Variants in C13orf42 observed in about 807,000 individuals in gnomAD.
C13orf42 encodes uncharacterized protein C13orf42.
intron 1 of C13orf42, among the ~76,000 whole-genome samples, chr13:51,160,666 G>A (rs1953857492): frequency 6.6e-6 from 1 of 152,038 alleles, no homozygotes; most frequent in African/African-American, 2.4e-5. Flanking sequence ...ATTTCTCAGT[G>A]GTACGAGAAG....
At position 51,087,985 on chromosome 13, in the gene C13orf42, C is replaced by G. The variant is rs1953146688; in HGVS notation, c.505G>C (p.Glu169Gln). 2.5e-6 allele frequency: 1 copy of G among 398,756 alleles called. No individual in the cohort carries two copies. The highest frequency in any genetic ancestry group is 1.3e-4 in the South Asian group (1 of 7,864). The allele number at this position is 398,756 out of a possible 1,614,324, so 24.7% of individuals were successfully genotyped here. The change falls in exon 2 of 4, where the codon GAG becomes CAG. Residue 169 changes from glutamate (E) to glutamine (Q), a missense_variant. Transcript: ENST00000563710. ...GCCTCAGCAGCCCGGGGTCGTCTCT[C>G]TGTATCCAGCTCTGCAATGATGGAG... ...FDSIIAELDT[E>Q]RRPRAAEASL...
intron 1 of C13orf42, among the ~76,000 whole-genome samples, chr13:51,088,994 A>G (rs1377366412): frequency 6.6e-6 from 1 of 152,230 alleles, no homozygotes; most frequent in Non-Finnish European, 1.5e-5. Context: ...CAATACGTGT[A>G]CTAATAAAAA....
intron 1 of C13orf42, among the ~76,000 whole-genome samples, chr13:51,102,876 G>A (rs905920605): frequency 1.1e-4 from 16 of 152,164 alleles, no homozygotes; most frequent in African/African-American, 3.9e-4. Flanking sequence ...ACGGTGTCAG[G>A]AAAGAGAAGA....
chr13:51,148,972 T>G (rs376795175), intron 1 of C13orf42, among the ~76,000 whole-genome samples: 3 of 152,140 alleles, frequency 2.0e-5, no homozygotes, highest in East Asian at 3.9e-4. Context: ...TGGGTGCTGT[T>G]TTCCTTCCCC....
At chr13:51,085,147 T>A (rs1243047031) in intron 3 of C13orf42, among the ~76,000 whole-genome samples, 172 bp downstream of exon 3, 1 of 149,190 alleles carries the variant, frequency 6.7e-6, no homozygotes, top group Non-Finnish European at 1.5e-5. Flanking sequence ...CAAAAAAAAA[T>A]GTTGAAACTA....
chr13:51,149,219 T>G (rs1953760520), intron 1 of C13orf42, among the ~76,000 whole-genome samples: 1 of 150,830 alleles, frequency 6.6e-6, no homozygotes, highest in African/African-American at 2.4e-5. Flanking sequence ...TAGAGAGAAT[T>G]CCAAATCATT....
At chr13:51,167,813 G>A (rs1350118965) in intron 1 of C13orf42, among the ~76,000 whole-genome samples, 1 of 152,228 alleles carries the variant, frequency 6.6e-6, no homozygotes, top group Non-Finnish European at 1.5e-5. Context: ...ACCCAGGTAT[G>A]ATGGAAGATA....
intron 1 of C13orf42, among the ~76,000 whole-genome samples, chr13:51,148,005 G>A (rs1953751872): frequency 6.6e-6 from 1 of 152,152 alleles, no homozygotes; most frequent in Non-Finnish European, 1.5e-5. Flanking sequence ...AGAATCATAG[G>A]GTCCCTGGGC....
intron 1 of C13orf42, among the ~76,000 whole-genome samples, chr13:51,154,296 G>T (rs9568534): frequency 0.11 from 16,271 of 152,230 alleles, 1,098 homozygotes; most frequent in Non-Finnish European, 0.16. Context: ...CATGAACACG[G>T]TATGCAACTA....
chr13:51,163,753 T>C (rs1953884078), intron 1 of C13orf42, among the ~76,000 whole-genome samples: 1 of 152,132 alleles, frequency 6.6e-6, no homozygotes, highest in African/African-American at 2.4e-5. Flanking sequence ...ACATTCTTCT[T>C]AGACCATAGG....
At chr13:51,131,997 G>A (rs951197171) in intron 1 of C13orf42, among the ~76,000 whole-genome samples, 8 of 152,188 alleles carry the variant, frequency 5.3e-5, no homozygotes, top group African/African-American at 1.9e-4. Flanking sequence ...CTAATCCTGA[G>A]CATGTATTGG....
intron 1 of C13orf42, chr13:51,162,148 C>T (rs1220812184): frequency 3.8e-6 from 1 of 263,444 alleles, no homozygotes. Flanking sequence ...GGGCATAAGC[C>T]ATCTCACAAA....
At chr13:51,134,005 T>C (rs2138024150) in intron 1 of C13orf42, among the ~76,000 whole-genome samples, 1 of 152,202 alleles carries the variant, frequency 6.6e-6, no homozygotes, top group Admixed American at 6.5e-5. Flanking sequence ...CTGTGCACGC[T>C]CACACCATGT....
upstream of C13orf42, among the ~76,000 whole-genome samples, chr13:51,112,037 A>T (rs937386689): frequency 1.3e-5 from 2 of 152,268 alleles, no homozygotes; most frequent in Non-Finnish European, 2.9e-5. Context: ...GCCCGAGCAC[A>T]TTTTTAACTT....
At chr13:51,165,813 T>G (rs1310292339) in intron 1 of C13orf42, among the ~76,000 whole-genome samples, 1 of 152,204 alleles carries the variant, frequency 6.6e-6, no homozygotes, top group Non-Finnish European at 1.5e-5. Context: ...CTCTTCCCAA[T>G]GATAATAAGT....
At chr13:51,128,526 A>T (rs907572472) in intron 1 of C13orf42, among the ~76,000 whole-genome samples, 1 of 152,138 alleles carries the variant, frequency 6.6e-6, no homozygotes, top group African/African-American at 2.4e-5. Context: ...CCTAAGACAG[A>T]ATGGGCTAAA....
chr13:51,144,965 A>C (rs1306141736), intron 1 of C13orf42, among the ~76,000 whole-genome samples: 1 of 152,272 alleles, frequency 6.6e-6, no homozygotes, highest in East Asian at 1.9e-4. Flanking sequence ...ATTTGTCTTT[A>C]GTAAAATGGG....
intron 1 of C13orf42, among the ~76,000 whole-genome samples, chr13:51,133,826 G>C (rs1436530653): frequency 1.3e-5 from 2 of 152,194 alleles, no homozygotes; most frequent in African/African-American, 4.8e-5. Context: ...AGGGGGCTCT[G>C]TGATACCAGA....
intron 1 of C13orf42, among the ~76,000 whole-genome samples, chr13:51,160,177 AG>A (rs1953853992): frequency 6.6e-6 from 1 of 152,224 alleles, no homozygotes; most frequent in South Asian, 2.1e-4. Flanking sequence ...ATTGACATTA[AG>A]GGTCACACAG....
Sources: gnomAD v4.1 joint callset for allele counts (sites outside exome capture counted in the v4.1 genomes callset) on GRCh38, gnomAD v4.1.1 for gene constraint, MANE v1.5 for transcripts, NCBI Gene and HGNC (gene_info 2026-07-23, HGNC 2026-07-21) for gene names.